The following SNAP23 variants were observed in gnomAD, a reference collection of about 807,000 sequenced individuals.
SNAP23 encodes the protein synaptosome associated protein 23.
A neutral mutation model predicts 29.0 loss-of-function variants in SNAP23; 11 were observed. That is an observed-to-expected ratio of 0.38 (90% CI 0.24 to 0.63). The LOEUF (loss-of-function observed/expected upper bound fraction) is 0.63. Among genes scored for constraint, SNAP23 ranks in the 20% least tolerant of loss-of-function variants. The pLI, the probability that SNAP23 is intolerant of heterozygous loss-of-function variation, is 0.58. For missense variants in SNAP23, 220 were observed against 253.9 expected (o/e 0.87, Z 0.91); for synonymous variants, 60 against 82.9 (o/e 0.72, Z 1.50).
chr15:42,521,758 G>T, intron 5 of SNAP23: 1 of 649,528 alleles, frequency 1.5e-6, no homozygotes, highest in East Asian at 2.8e-5. Context: ...TTTGTGAATG[G>T]TGAAAACTGT....
At chr15:42,503,559 G>T (rs750325322) in intron 1 of SNAP23, among the ~76,000 whole-genome samples, 1 of 152,004 alleles carries the variant, frequency 6.6e-6, no homozygotes, top group Non-Finnish European at 1.5e-5. Flanking sequence ...TAGTAGAGAC[G>T]GGGTTTTGCC....
chr15:42,497,043 CTTT>C (rs1223381614), intron 1 of SNAP23, among the ~76,000 whole-genome samples: 9 of 141,220 alleles, frequency 6.4e-5, no homozygotes, highest in East Asian at 2.1e-4. Flanking sequence ...TTCTTTCTTT[CTTT>C]TTTTTTTTTT....
At chr15:42,515,456 C>A in intron 5 of SNAP23, 102 bp downstream of exon 5, 2 of 676,334 alleles carry the variant, frequency 3.0e-6, no homozygotes, top group South Asian at 1.9e-5. Context: ...ATGAGGAACT[C>A]TATTAGATAA....
chr15:42,507,920 C>T (rs750104878), intron 1 of SNAP23, among the ~76,000 whole-genome samples: 7 of 152,054 alleles, frequency 4.6e-5, no homozygotes, highest in Non-Finnish European at 5.9e-5. Flanking sequence ...ATCAGCCCTC[C>T]GTATCAGCAG....
chr15:42,514,603 A>G (rs1445289557), intron 4 of SNAP23, among the ~76,000 whole-genome samples: 2 of 151,984 alleles, frequency 1.3e-5, no homozygotes, highest in Admixed American at 6.6e-5. Context: ...TGAACCTATT[A>G]TAGAAATGAT....
Position 42,511,663 on chromosome 15 carries a change from G to A in SNAP23, c.-14-170G>A, listed in dbSNP as rs919583858. ...ATTAAACATTCATTTAGCCTCTCTC[G>A]GTCTTGATTTCTTTACTTGTGGTAG... On this transcript the variant is annotated intron_variant, in intron 1 of 7. Coordinates refer to ENST00000249647, the MANE Select transcript of SNAP23 (RefSeq NM_003825.4). Among the ~76,000 whole-genome samples the A allele has an allele frequency of 3.0e-4, 46 of 152,088 alleles. No individual in the cohort carries two copies. Among genetic ancestry groups the A allele is most frequent in the South Asian group, 8.3e-4 (4 of 4,822 alleles).
chr15:42,514,469 A>G (rs546772953), intron 4 of SNAP23, among the ~76,000 whole-genome samples: 11 of 152,246 alleles, frequency 7.2e-5, no homozygotes, highest in African/African-American at 1.9e-4. Flanking sequence ...ATATTCTTAC[A>G]TCATCCTCAG....
chr15:42,512,077 C>G (rs908121309), intron 2 of SNAP23, 174 bp downstream of exon 2: 1 of 388,702 alleles, frequency 2.6e-6, no homozygotes, highest in Non-Finnish European at 4.6e-6. Flanking sequence ...CACCAGAAAA[C>G]TAAAGTGAAA....
chr15:42,524,378 C>T (rs920420757), intron 5 of SNAP23, among the ~76,000 whole-genome samples: 2 of 152,176 alleles, frequency 1.3e-5, no homozygotes, highest in Non-Finnish European at 2.9e-5. Context: ...CTCAACCCCC[C>T]CAGCCATGGA....
chr15:42,520,396 T>C (rs1041144027), intron 5 of SNAP23, among the ~76,000 whole-genome samples: 1 of 152,120 alleles, frequency 6.6e-6, no homozygotes, highest in East Asian at 1.9e-4. Flanking sequence ...AATTGATAAA[T>C]TGTAATTCTA....
chr15:42,515,363 A>T lies in SNAP23; in HGVS notation c.266+9A>T. 1 of 1,516,230 alleles carries T rather than the reference A, an allele frequency of 6.6e-7. No homozygotes were observed. Among genetic ancestry groups the T allele is most frequent in the Non-Finnish European group, 9.1e-7 (1 of 1,098,592 alleles). The allele number at this position is 1,516,230 out of a possible 1,614,324, so 93.9% of individuals were successfully genotyped here. A position where few individuals can be genotyped will look rare whatever the true frequency, so the allele number is the denominator to read the frequency against. On this transcript the variant is annotated intron_variant, in intron 5 of 7. Transcript: ENST00000249647. ...GTCTGCCCATGTAATAGGTGAGTTG[A>T]TAAATTAAGATGGTTTCAAAATAAG...
chr15:42,528,253 C>T lies in SNAP23; in HGVS notation c.267-9C>T, dbSNP rs9302112. The stretch of plus-strand genomic sequence containing the variant: ...TTGGTATCTCCCTACACTCCTGACT[C>T]TTATATAGAACAAAGAACTTTGAGT... On this transcript the variant is annotated splice_polypyrimidine_tract_variant and intron_variant, in intron 5 of 7. Transcript: ENST00000249647. 0.71 allele frequency: 1,145,371 copies of T among 1,612,062 alleles called. 421,573 individuals carry two copies. The highest frequency in any genetic ancestry group is 0.77 in the East Asian group (34,723 of 44,840).
intron 1 of SNAP23, among the ~76,000 whole-genome samples, chr15:42,508,079 A>T (rs2057328655): frequency 6.6e-6 from 1 of 151,988 alleles, no homozygotes; most frequent in Non-Finnish European, 1.5e-5. Context: ...AGCCTGGATA[A>T]CATAGTGAGA....
At chr15:42,525,596 G>A (rs996814947) in intron 5 of SNAP23, among the ~76,000 whole-genome samples, 3 of 148,962 alleles carry the variant, frequency 2.0e-5, no homozygotes, top group African/African-American at 2.5e-5. Context: ...CCTGAGTTGC[G>A]GGGACTGCAT....
Position 42,515,242 on chromosome 15 carries a change from C to G in SNAP23, c.154C>G (p.Leu52Val). The G allele has an allele frequency of 6.3e-7, 1 of 1,589,926 alleles. No homozygotes were observed. The highest frequency in any genetic ancestry group is 8.6e-7 in the Non-Finnish European group (1 of 1,167,950). Residue 52 changes from leucine (L) to valine (V), a missense_variant, in exon 5 of 8, where the codon CTA becomes GTA. Leu to Val is a conservative substitution (Grantham distance 32). Transcript: ENST00000249647. ...ACTTCACAACTTATTCTTAGAACAA[C>G]TAAACCGCATAGAAGAAGGCTTGGA... ...ITMLDEQKEQLNRIEEGLDQI... is the reference protein window; with the variant it reads ...ITMLDEQKEQVNRIEEGLDQI...
At chr15:42,492,346 A>G (rs1400065833), upstream of SNAP23, among the ~76,000 whole-genome samples, 3 of 152,184 alleles carry the variant, frequency 2.0e-5, no homozygotes, top group African/African-American at 7.2e-5. Flanking sequence ...TATTGAGATT[A>G]TAACATCTCT....
intron 1 of SNAP23, among the ~76,000 whole-genome samples, chr15:42,502,173 G>A (rs1445010964): frequency 6.6e-6 from 1 of 151,456 alleles, no homozygotes; most frequent in Non-Finnish European, 1.5e-5. Context: ...GACTACAGGC[G>A]CCCACTACCA....
chr15:42,529,852 A>G (rs2057545317), intron 7 of SNAP23, 33 bp downstream of exon 7: 3 of 1,607,708 alleles, frequency 1.9e-6, no homozygotes, highest in South Asian at 1.1e-5. Flanking sequence ...AGAAAATGAG[A>G]CACCCAGTTC....
At chr15:42,502,968 A>T (rs533382041) in intron 1 of SNAP23, among the ~76,000 whole-genome samples, 1 of 152,218 alleles carries the variant, frequency 6.6e-6, no homozygotes, top group South Asian at 2.1e-4. Flanking sequence ...TTTTTTTTGT[A>T]ATTAGAGTCA....
Sources: allele counts gnomAD v4.1 joint callset (sites outside exome capture counted in the v4.1 genomes callset), GRCh38; gene constraint gnomAD v4.1.1; transcripts MANE v1.5; gene names NCBI Gene and HGNC (gene_info 2026-07-23, HGNC 2026-07-21).